TSPAN3: variants seen among roughly 807,000 people sequenced by gnomAD.
TSPAN3 encodes tetraspanin-3.
Under a neutral mutation model 31.1 loss-of-function variants are expected in TSPAN3, and 9 were observed. The observed-to-expected ratio is 0.29, with a 90% CI of 0.17 to 0.50. The LOEUF (loss-of-function observed/expected upper bound fraction) is 0.50. TSPAN3 is among the 20% of genes least tolerant of loss of function. The pLI is 0.98. For synonymous variants in TSPAN3, 129 were observed against 114.3 expected (o/e 1.13, Z -0.82); for missense variants, 252 against 313.5 (o/e 0.80, Z 1.48).
At chr15:77,052,013 C>G (rs2076734936) in intron 6 of TSPAN3, among the ~76,000 whole-genome samples, 1 of 152,088 alleles carries the variant, frequency 6.6e-6, no homozygotes, top group Non-Finnish European at 1.5e-5. Context: ...TTTGTATTCC[C>G]AAACTGAAAG....
chr15:77,056,709 C>T (rs906319633), intron 1 of TSPAN3, among the ~76,000 whole-genome samples: 3 of 152,130 alleles, frequency 2.0e-5, no homozygotes, highest in African/African-American at 7.2e-5. Flanking sequence ...TCTCTATCTA[C>T]CCCACCTCAA....
intron 1 of TSPAN3, among the ~76,000 whole-genome samples, chr15:77,066,239 C>A: frequency 6.6e-6 from 1 of 152,150 alleles, no homozygotes. Context: ...GACCTTGGTA[C>A]AAAGGTGCAG....
rs1324630775 is a variant in TSPAN3, at chr15:77,041,486, G to A, written c.*5349C>T. The A allele has an allele frequency of 6.6e-6, 1 of 150,976 alleles. No individual in the cohort carries two copies. Among genetic ancestry groups the A allele is most frequent in the Non-Finnish European group, 1.5e-5 (1 of 67,982 alleles). The allele number at this position is 150,976 out of a possible 1,614,324, so 9.4% of individuals were successfully genotyped here. ...CTGCAACCTCTGCCTCCCGGTTCAAGCGATTCTCCTGCCTCAGCCTCCCAA... is the reference window on the plus strand; with the variant it reads ...CTGCAACCTCTGCCTCCCGGTTCAAACGATTCTCCTGCCTCAGCCTCCCAA... On this transcript the variant is annotated 3_prime_UTR_variant, in exon 7 of 7. Coordinates refer to ENST00000267970, the MANE Select transcript of TSPAN3 (RefSeq NM_005724.6).
At chr15:77,053,454 A>AAC (rs2076745493) in intron 4 of TSPAN3, among the ~76,000 whole-genome samples, 1 of 48,296 alleles carries the variant, frequency 2.1e-5, no homozygotes, top group East Asian at 4.8e-4. Context: ...GCCATCTCAA[A>AAC]AAAAAAAAAA....
At chr15:77,058,100 G>A (rs549598497) in intron 1 of TSPAN3, among the ~76,000 whole-genome samples, 1 of 152,202 alleles carries the variant, frequency 6.6e-6, no homozygotes, top group Non-Finnish European at 1.5e-5. Flanking sequence ...CAACCCCACT[G>A]CAGTGCTTCT....
intron 6 of TSPAN3, among the ~76,000 whole-genome samples, chr15:77,048,366 TTCC>T (rs1354949552): frequency 6.6e-6 from 1 of 151,912 alleles, no homozygotes; most frequent in Non-Finnish European, 1.5e-5. Flanking sequence ...AAAATCTCTC[TTCC>T]CACCCCCACC....
Position 77,054,127 on chromosome 15 carries a change from G to T in TSPAN3, c.432+51C>A. 2.3e-6 allele frequency: 3 copies of T among 1,283,214 alleles called. No individual in the cohort carries two copies. In the South Asian group the frequency reaches 3.6e-5, roughly 15 times the overall value. The allele number at this position is 1,283,214 out of a possible 1,614,324, so 79.5% of individuals were successfully genotyped here. A position where few individuals can be genotyped will look rare whatever the true frequency, so the allele number is the denominator to read the frequency against. On this transcript the variant is annotated intron_variant, in intron 4 of 6. Transcript: ENST00000267970. ...CAGAAATAGCAGTTAGTTTAATGTT[G>T]ACCCAATCGTGATTGGTCCTCAAAA...
chr15:77,059,629 G>GT (rs572622544), intron 1 of TSPAN3, among the ~76,000 whole-genome samples: 15 of 151,760 alleles, frequency 9.9e-5, no homozygotes, highest in Admixed American at 3.3e-4. Context: ...AATGTTGTAG[G>GT]TTTTTTTTAC....
rs761063429 is a variant in TSPAN3, at chr15:77,070,886, G to A, written c.63+6C>T. The A allele has an allele frequency of 3.0e-5, 42 of 1,383,838 alleles. No homozygotes were observed. The highest frequency in any genetic ancestry group is 2.2e-5 in the Non-Finnish European group (23 of 1,054,862). The allele number at this position is 1,383,838 out of a possible 1,614,324, so 85.7% of individuals were successfully genotyped here. On this transcript the variant is annotated splice_donor_region_variant and intron_variant, in intron 1 of 6. Coordinates refer to ENST00000267970, the MANE Select transcript of TSPAN3 (RefSeq NM_005724.6). ...CCGGCCCCTCGCTCTGCCCGGCCCC[G>A]CTCACCCAGAAGATGAGGTTGAGAA...
At chr15:77,062,470 C>T (rs1025141263) in intron 1 of TSPAN3, among the ~76,000 whole-genome samples, 2 of 152,208 alleles carry the variant, frequency 1.3e-5, no homozygotes, top group African/African-American at 4.8e-5. Flanking sequence ...GAAATTAAAG[C>T]TACTCTTACC....
At chr15:77,057,202 C>A (rs1233414909) in intron 1 of TSPAN3, among the ~76,000 whole-genome samples, 1 of 152,174 alleles carries the variant, frequency 6.6e-6, no homozygotes, top group Non-Finnish European at 1.5e-5. Flanking sequence ...GGCTCATATA[C>A]AAACAAGCAA....
rs1371073850 is a variant in TSPAN3, at chr15:77,051,236, CATAAG to C, written c.669+1144_669+1148del. ...GAAATAGGTTTCAGGCTTAAGAAAGCATAAGCTGAGGCTGGGCGCGATGGCTCACG... is the reference window on the plus strand; with the variant it reads ...GAAATAGGTTTCAGGCTTAAGAAAGCCTGAGGCTGGGCGCGATGGCTCACG... On this transcript the variant is annotated intron_variant, in intron 6 of 6. Transcript: ENST00000267970. Among the ~76,000 whole-genome samples, 6 of 152,018 alleles carry C rather than the reference CATAAG, an allele frequency of 3.9e-5. No individual in the cohort carries two copies. In the East Asian group the frequency reaches 9.7e-4, roughly 25 times the overall value.
At chr15:77,069,141 C>G (rs1003724896) in intron 1 of TSPAN3, among the ~76,000 whole-genome samples, 4 of 152,180 alleles carry the variant, frequency 2.6e-5, no homozygotes, top group African/African-American at 9.7e-5. Flanking sequence ...TGTAGAAAAA[C>G]AGGTAGCTAA....
chr15:77,064,068 C>T (rs1359423101), intron 1 of TSPAN3: 1 of 152,160 alleles, frequency 6.6e-6, no homozygotes, highest in Admixed American at 6.5e-5. Flanking sequence ...TATTCTAGAA[C>T]CCCTTTAGTA....
In TSPAN3 at chr15:77,054,291, C is replaced by G; in HGVS notation, c.331-12G>C. The G allele has an allele frequency of 6.3e-7, 1 of 1,583,662 alleles. No individual in the cohort carries two copies. The highest frequency in any genetic ancestry group is 8.7e-7 in the Non-Finnish European group (1 of 1,153,026). On this transcript the variant is annotated splice_polypyrimidine_tract_variant and intron_variant, in intron 3 of 6. Coordinates refer to ENST00000267970, the MANE Select transcript of TSPAN3 (RefSeq NM_005724.6). Reference sequence around the variant, plus strand: ...ACCTCATTTTCCACCTGAATCAGAACAAAGAATTCAGTCCCTCAAAAATAC... The same window carrying G: ...ACCTCATTTTCCACCTGAATCAGAAGAAAGAATTCAGTCCCTCAAAAATAC...
At chr15:77,070,586 G>GGT (rs910266331) in intron 1 of TSPAN3, among the ~76,000 whole-genome samples, 1 of 151,632 alleles carries the variant, frequency 6.6e-6, no homozygotes, top group Non-Finnish European at 1.5e-5. Flanking sequence ...CGACTCCGGG[G>GGT]GGGGGAGACT....
At chr15:77,052,265 C>A in intron 6 of TSPAN3, 120 bp downstream of exon 6, 2 of 816,274 alleles carry the variant, frequency 2.5e-6, no homozygotes, top group South Asian at 3.2e-5. Context: ...GCCAGTACCT[C>A]AGTCACTTCC....
At chr15:77,060,281 A>G (rs2076793258) in intron 1 of TSPAN3, among the ~76,000 whole-genome samples, 1 of 152,206 alleles carries the variant, frequency 6.6e-6, no homozygotes, top group Admixed American at 6.5e-5. Context: ...TGTTTCCTAA[A>G]TTGAAAACAG....
At chr15:77,053,314 G>A (rs1199070569) in intron 4 of TSPAN3, among the ~76,000 whole-genome samples, 1 of 151,746 alleles carries the variant, frequency 6.6e-6, no homozygotes, top group Non-Finnish European at 1.5e-5. Context: ...TGACCAACAT[G>A]GTGAAACCCC....
Sources: allele counts gnomAD v4.1 joint callset (sites outside exome capture counted in the v4.1 genomes callset), GRCh38; gene constraint gnomAD v4.1.1; transcripts MANE v1.5; gene names NCBI Gene and HGNC (gene_info 2026-07-23, HGNC 2026-07-21).